Variants in GADL1 observed in about 807,000 individuals in gnomAD.
GADL1 encodes the protein acidic amino acid decarboxylase GADL1.
A neutral mutation model predicts 69.5 loss-of-function variants in GADL1; 71 were observed. The ratio of observed to expected loss-of-function variants is 1.02; its 90% CI spans 0.84 to 1.25. GADL1 has a LOEUF of 1.25. Among genes scored for constraint, GADL1 ranks in the 50% most tolerant of loss-of-function variants. GADL1 has a pLI of 0.00. For synonymous variants in GADL1, 254 were observed against 214.4 expected (o/e 1.18, Z -1.62); for missense variants, 737 against 631.8 (o/e 1.17, Z -1.79).
intron 1 of GADL1, among the ~76,000 whole-genome samples, chr3:30,889,378 C>A (rs189277904): frequency 8.6e-4 from 131 of 152,324 alleles, no homozygotes; most frequent in African/African-American, 3.0e-3. Flanking sequence ...CTGGAGCTGC[C>A]TTTGCAGACA....
intron 1 of GADL1, among the ~76,000 whole-genome samples, chr3:30,872,779 T>C (rs544068907): frequency 5.9e-5 from 9 of 152,040 alleles, no homozygotes; most frequent in African/African-American, 2.2e-4. Context: ...CCCCTTTTGG[T>C]GAGCAAGAGT....
chr3:30,815,523 T>G (rs1365801870), intron 11 of GADL1, among the ~76,000 whole-genome samples: 1 of 151,422 alleles, frequency 6.6e-6, no homozygotes, highest in Non-Finnish European at 1.5e-5. Context: ...TGGGGGAGAG[T>G]GACTATATCT....
chr3:30,868,511 CTG>C (rs1432853188), intron 1 of GADL1, among the ~76,000 whole-genome samples: 1 of 150,510 alleles, frequency 6.6e-6, no homozygotes, highest in Non-Finnish European at 1.5e-5. Context: ...TATTTAACCT[CTG>C]TGTGATCCGT....
At chr3:30,769,270 T>G (rs1001141739) in intron 14 of GADL1, among the ~76,000 whole-genome samples, 12 of 152,144 alleles carry the variant, frequency 7.9e-5, no homozygotes, top group African/African-American at 2.9e-4. Flanking sequence ...ATCCAGCGAC[T>G]AGTGAAATAC....
intron 2 of GADL1, 27 bp downstream of exon 2, chr3:30,861,566 C>A (rs960210049): frequency 6.6e-7 from 1 of 1,509,426 alleles, no homozygotes; most frequent in Non-Finnish European, 8.9e-7. Context: ...CCCATTTCTG[C>A]AATTTCTTAC....
At chr3:30,855,076 T>C (rs547816631) in intron 3 of GADL1, among the ~76,000 whole-genome samples, 1 of 152,206 alleles carries the variant, frequency 6.6e-6, no homozygotes, top group South Asian at 2.1e-4. Flanking sequence ...GATGGCTCCA[T>C]ATGCACAGCT....
chr3:30,821,786 C>T (rs556221981), intron 11 of GADL1, among the ~76,000 whole-genome samples: 1 of 151,574 alleles, frequency 6.6e-6, no homozygotes, highest in South Asian at 2.1e-4. Context: ...GAAATATATT[C>T]TGAAGCTATA....
Position 30,757,323 on chromosome 3 carries a change from A to G in GADL1, c.1392+20856T>C, listed in dbSNP as rs900050301. 7.2e-5 allele frequency among the ~76,000 whole-genome samples: 11 copies of G among 152,304 alleles called. No homozygotes were observed. In the South Asian group the frequency reaches 2.3e-3, roughly 32 times the overall value. ...GCCTGACATTTAAAAATCAGCTGAT[A>G]AAGGCAGGAAGGGATTAGTTAGCAA... On this transcript the variant is annotated intron_variant, in intron 14 of 14. Coordinates refer to ENST00000282538, the MANE Select transcript of GADL1 (RefSeq NM_207359.3).
chr3:30,885,684 AAACT>A (rs1465011586), intron 1 of GADL1, among the ~76,000 whole-genome samples: 162 of 152,194 alleles, frequency 1.1e-3, no homozygotes, highest in African/African-American at 3.7e-3. Flanking sequence ...ACTTCTATAT[AAACT>A]ATCTTTCAAA....
intron 14 of GADL1, among the ~76,000 whole-genome samples, chr3:30,733,644 C>T (rs974751911): frequency 1.3e-4 from 19 of 150,116 alleles, no homozygotes; most frequent in African/African-American, 4.7e-4. Flanking sequence ...TTCCTCCTTC[C>T]CTCCCTCCCT....
At chr3:30,812,116 G>C (rs1697368785) in intron 11 of GADL1, among the ~76,000 whole-genome samples, 1 of 152,144 alleles carries the variant, frequency 6.6e-6, no homozygotes, top group African/African-American at 2.4e-5. Context: ...AGTTTTATTT[G>C]TGTGAATACA....
At chr3:30,820,372 A>G (rs1376713210) in intron 11 of GADL1, among the ~76,000 whole-genome samples, 2 of 152,260 alleles carry the variant, frequency 1.3e-5, no homozygotes, top group Middle Eastern at 3.4e-3. Flanking sequence ...CTATCAGTCT[A>G]TTATAATTGT....
At chr3:30,856,011 G>A (rs1174747066) in intron 3 of GADL1, among the ~76,000 whole-genome samples, 1 of 150,160 alleles carries the variant, frequency 6.7e-6, no homozygotes, top group African/African-American at 2.4e-5. Context: ...TGATTTCCAT[G>A]GTAACATGGA....
chr3:30,772,529 C>T (rs1015122140), intron 14 of GADL1, among the ~76,000 whole-genome samples: 4 of 152,114 alleles, frequency 2.6e-5, no homozygotes, highest in Non-Finnish European at 4.4e-5. Flanking sequence ...CACTATAAGG[C>T]AGCTTCAGAA....
At chr3:30,775,756 G>C (rs1363162771) in intron 14 of GADL1, among the ~76,000 whole-genome samples, 1 of 152,100 alleles carries the variant, frequency 6.6e-6, no homozygotes, top group Non-Finnish European at 1.5e-5. Flanking sequence ...CAAATATTGG[G>C]GATAAGAGAA....
intron 12 of GADL1, chr3:30,799,969 A>C (rs1335033926): frequency 6.6e-6 from 1 of 152,224 alleles, no homozygotes; most frequent in East Asian, 1.9e-4. Flanking sequence ...CACTATCAGC[A>C]TTTTTGTCAA....
chr3:30,894,497 G>T (rs921788947), intron 1 of GADL1, 81 bp downstream of exon 1: 3 of 1,154,864 alleles, frequency 2.6e-6, no homozygotes, highest in African/African-American at 3.1e-5. Flanking sequence ...CAAACTTCTA[G>T]TCCCCAGGTC....
At chr3:30,816,549 T>A (rs895115538) in intron 11 of GADL1, among the ~76,000 whole-genome samples, 1 of 82,326 alleles carries the variant, frequency 1.2e-5, no homozygotes. Context: ...TTTTTTTTTT[T>A]TTTTTTTTTT....
At chr3:30,834,329 T>G in intron 9 of GADL1, 48 bp from the exon 10 acceptor site, 1 of 1,483,804 alleles carries the variant, frequency 6.7e-7, no homozygotes, top group Non-Finnish European at 9.4e-7. Context: ...CAATGTTATT[T>G]GTTTACCAGT....
Sources: allele counts gnomAD v4.1 joint callset (sites outside exome capture counted in the v4.1 genomes callset), GRCh38; gene constraint gnomAD v4.1.1; transcripts MANE v1.5; gene names NCBI Gene and HGNC (gene_info 2026-07-23, HGNC 2026-07-21).